RNF220: variants seen among roughly 807,000 people sequenced by gnomAD.
RNF220 encodes the protein E3 ubiquitin-protein ligase RNF220.
RNF220 carries 7 observed loss-of-function variants against 67.1 expected under a neutral mutation model. The ratio of observed to expected loss-of-function variants is 0.10; its 90% CI spans 0.06 to 0.20. The LOEUF (loss-of-function observed/expected upper bound fraction) is 0.20, where lower values mean the gene tolerates loss of function less well. Ranked by LOEUF, RNF220 falls within the 10% of genes least tolerant of loss-of-function variation. The pLI is 1.00. For synonymous variants in RNF220, 270 were observed against 283.2 expected (o/e 0.95, Z 0.47); for missense variants, 565 against 740.3 (o/e 0.76, Z 2.75).
chr1:44,642,576 C>G (rs1296984602), intron 8 of RNF220, among the ~76,000 whole-genome samples: 1 of 152,140 alleles, frequency 6.6e-6, no homozygotes, highest in Non-Finnish European at 1.5e-5. Flanking sequence ...TGGGAGACCA[C>G]AGTAGCTCTG....
At chr1:44,463,656 A>G (rs1030969122) in intron 2 of RNF220, among the ~76,000 whole-genome samples, 5 of 152,124 alleles carry the variant, frequency 3.3e-5, no homozygotes, top group African/African-American at 9.7e-5. Flanking sequence ...CTGTAAAGCA[A>G]TATCATCTCG....
At chr1:44,631,952 G>T in intron 5 of RNF220, 2 of 991,440 alleles carry the variant, frequency 2.0e-6, no homozygotes, top group Non-Finnish European at 2.4e-6. Flanking sequence ...GCGCGACGGC[G>T]GCAGATCACG....
intron 2 of RNF220, among the ~76,000 whole-genome samples, chr1:44,587,826 G>T (rs924224475): frequency 2.0e-5 from 3 of 152,232 alleles, no homozygotes; most frequent in Admixed American, 2.0e-4. Flanking sequence ...AAGCACCTTA[G>T]ACACAGTGCT....
At chr1:44,414,013 T>C (rs1292656496) in intron 2 of RNF220, among the ~76,000 whole-genome samples, 1 of 152,188 alleles carries the variant, frequency 6.6e-6, no homozygotes, top group Non-Finnish European at 1.5e-5. Context: ...TTTTGAAATA[T>C]GTTGCAAGTG....
At chr1:44,481,635 G>A (rs1322443732) in intron 2 of RNF220, among the ~76,000 whole-genome samples, 2 of 152,116 alleles carry the variant, frequency 1.3e-5, no homozygotes, top group African/African-American at 4.8e-5. Flanking sequence ...TGCACGTTCT[G>A]TACATGTATC....
chr1:44,607,605 A>G (rs1194518511), intron 2 of RNF220, among the ~76,000 whole-genome samples: 1 of 150,858 alleles, frequency 6.6e-6, no homozygotes, highest in Non-Finnish European at 1.5e-5. Context: ...TCCTTGCCTC[A>G]GCCTCCCGAG....
At chr1:44,407,169 G>C (rs6699121) in intron 1 of RNF220, among the ~76,000 whole-genome samples, 11,977 of 152,194 alleles carry the variant, frequency 0.079, 536 homozygotes, top group Middle Eastern at 0.13. Flanking sequence ...CGGCCCACTG[G>C]CCCGGGAGCC....
At chr1:44,482,022 C>G (rs1250565641) in intron 2 of RNF220, among the ~76,000 whole-genome samples, 1 of 152,210 alleles carries the variant, frequency 6.6e-6, no homozygotes, top group Non-Finnish European at 1.5e-5. Flanking sequence ...TGGGTGCCTG[C>G]TCTGTGTCAG....
intron 8 of RNF220, among the ~76,000 whole-genome samples, chr1:44,638,656 G>A (rs1316949240): frequency 1.3e-5 from 2 of 152,136 alleles, no homozygotes; most frequent in Non-Finnish European, 2.9e-5. Context: ...GGGAAGCAGT[G>A]AACGGGCAAG....
intron 3 of RNF220, among the ~76,000 whole-genome samples, chr1:44,618,377 A>C (rs1031305951): frequency 6.6e-6 from 1 of 152,252 alleles, no homozygotes; most frequent in Non-Finnish European, 1.5e-5. Context: ...TCCCACAGGT[A>C]CATGGGTGCA....
At chr1:44,564,892 C>T (rs1015073142) in intron 2 of RNF220, among the ~76,000 whole-genome samples, 1 of 151,780 alleles carries the variant, frequency 6.6e-6, no homozygotes, top group Non-Finnish European at 1.5e-5. Flanking sequence ...TGCTTGTCTG[C>T]CCCTTAGATT....
At chr1:44,438,893 T>C (rs1383624158) in intron 2 of RNF220, among the ~76,000 whole-genome samples, 1 of 152,252 alleles carries the variant, frequency 6.6e-6, no homozygotes, top group African/African-American at 2.4e-5. Context: ...TTTTTCACTT[T>C]TTCATTTATT....
chr1:44,504,568 T>C (rs889002473), intron 2 of RNF220, among the ~76,000 whole-genome samples: 20 of 151,918 alleles, frequency 1.3e-4, no homozygotes, highest in Non-Finnish European at 2.2e-4. Context: ...GATTTGGCTC[T>C]CTGGAGCTTC....
chr1:44,442,435 G>A (rs1651656176), intron 2 of RNF220, among the ~76,000 whole-genome samples: 1 of 151,500 alleles, frequency 6.6e-6, no homozygotes, highest in Admixed American at 6.6e-5. Context: ...GAGCCACCGT[G>A]CCCAGCCTGC....
In RNF220 at chr1:44,644,811, A is replaced by G. The variant is rs557912233; in HGVS notation, c.1223+17A>G. ...GAAGCCACAGTATCCTTGGAGCACT[A>G]TGGGGGCTGGTGGGGCTGATAGGGC... is the stretch of plus-strand genomic sequence containing the variant. On this transcript the variant is annotated intron_variant, in intron 9 of 14. Transcript: ENST00000361799. 41 of 1,601,728 alleles carry G rather than the reference A, an allele frequency of 2.6e-5. No homozygotes were observed. The South Asian group carries it at 3.0e-4, about 12-fold the overall frequency.
intron 2 of RNF220, among the ~76,000 whole-genome samples, chr1:44,611,318 A>G (rs372421841): frequency 6.6e-6 from 1 of 152,260 alleles, no homozygotes; most frequent in East Asian, 1.9e-4. Context: ...TCCCTGTGGC[A>G]GCAAAGCAGA....
intron 2 of RNF220, among the ~76,000 whole-genome samples, chr1:44,605,070 GGT>G (rs1667177315): frequency 6.6e-6 from 1 of 152,184 alleles, no homozygotes; most frequent in Non-Finnish European, 1.5e-5. Flanking sequence ...GGGAGGCTGA[GGT>G]GGTGGATCAC....
intron 2 of RNF220, among the ~76,000 whole-genome samples, chr1:44,426,939 A>G (rs1214773739): frequency 1.3e-5 from 2 of 152,134 alleles, no homozygotes; most frequent in Admixed American, 6.6e-5. Flanking sequence ...ACCAAGCCAG[A>G]TGCATTTAAA....
chr1:44,554,389 C>A (rs1662905404), intron 2 of RNF220, among the ~76,000 whole-genome samples: 1 of 152,034 alleles, frequency 6.6e-6, no homozygotes, highest in Non-Finnish European at 1.5e-5. Flanking sequence ...CCTACCCTTA[C>A]TCCTTTGCTG....
Sources: allele counts gnomAD v4.1 joint callset (sites outside exome capture counted in the v4.1 genomes callset), GRCh38; gene constraint gnomAD v4.1.1; transcripts MANE v1.5; gene names NCBI Gene and HGNC (gene_info 2026-07-23, HGNC 2026-07-21).